The following SIRT5 variants were observed in gnomAD, a reference collection of about 807,000 sequenced individuals.
SIRT5 encodes NAD-dependent protein deacylase sirtuin-5, mitochondrial.
Under a neutral mutation model 40.0 loss-of-function variants are expected in SIRT5, and 26 were observed. That is an observed-to-expected ratio of 0.65 (90% CI 0.48 to 0.90). SIRT5 has a LOEUF of 0.90. Ranked by LOEUF, SIRT5 falls within the 40% of genes least tolerant of loss-of-function variation. The pLI, the probability that SIRT5 is intolerant of heterozygous loss-of-function variation, is 0.00. For missense variants in SIRT5, 401 were observed against 402.4 expected, an observed-to-expected ratio of 1.00 and a Z score of 0.03; for synonymous variants, 146 against 149.1, an observed-to-expected ratio of 0.98 and a Z score of 0.15.
intron 2 of SIRT5, among the ~76,000 whole-genome samples, chr6:13,583,578 G>A (rs1759664132): frequency 6.6e-6 from 1 of 152,214 alleles, no homozygotes; most frequent in Non-Finnish European, 1.5e-5. Flanking sequence ...ATAGGCGTGA[G>A]CCACTGCACC....
At chr6:13,588,583 C>T in intron 4 of SIRT5, 119 bp downstream of exon 4, 1 of 1,229,114 alleles carries the variant, frequency 8.1e-7, no homozygotes, top group Non-Finnish European at 1.1e-6. Context: ...TGAACTGTGA[C>T]CCTATTGTCT....
intron 3 of SIRT5, among the ~76,000 whole-genome samples, chr6:13,585,373 C>T (rs1043507287): frequency 6.6e-6 from 1 of 151,992 alleles, no homozygotes; most frequent in South Asian, 2.1e-4. Flanking sequence ...GGTATTTCTC[C>T]TGATGCTATC....
chr6:13,592,324 AG>A (rs1023898144), intron 5 of SIRT5, among the ~76,000 whole-genome samples: 2 of 152,254 alleles, frequency 1.3e-5, no homozygotes, highest in Non-Finnish European at 2.9e-5. Flanking sequence ...TCCTCTGTGG[AG>A]GGGCACGGTA....
At chr6:13,598,185 A>T (rs1353920577) in intron 7 of SIRT5, among the ~76,000 whole-genome samples, 3 of 152,222 alleles carry the variant, frequency 2.0e-5, no homozygotes, top group African/African-American at 7.2e-5. Flanking sequence ...GACCTGGAGG[A>T]TTCCTGTGAT....
At chr6:13,582,208 T>C (rs187802678) in intron 2 of SIRT5, among the ~76,000 whole-genome samples, 28 of 152,376 alleles carry the variant, frequency 1.8e-4, no homozygotes, top group Non-Finnish European at 4.1e-4. Context: ...TGCTCAGCTC[T>C]AATCTCCTTA....
intron 5 of SIRT5, among the ~76,000 whole-genome samples, chr6:13,594,594 G>A (rs998298096): frequency 2.0e-5 from 3 of 152,188 alleles, no homozygotes; most frequent in Admixed American, 6.5e-5. Flanking sequence ...GACCAAACAC[G>A]ACTGCAGAGG....
chr6:13,598,774 G>A (rs901025594), intron 7 of SIRT5, among the ~76,000 whole-genome samples: 13 of 150,104 alleles, frequency 8.7e-5, no homozygotes, highest in African/African-American at 2.5e-4. Context: ...TGCAGTGAGC[G>A]GAGACCATGG....
intron 1 of SIRT5, among the ~76,000 whole-genome samples, chr6:13,577,129 T>C (rs1758733636): frequency 6.6e-6 from 1 of 152,248 alleles, no homozygotes; most frequent in African/African-American, 2.4e-5. Context: ...GCTTTGGCTA[T>C]TTAGGGTCTT....
intron 9 of SIRT5, chr6:13,605,088 G>A: frequency 1.0e-6 from 1 of 985,962 alleles, no homozygotes; most frequent in Non-Finnish European, 1.2e-6. Flanking sequence ...GCAATTGAGA[G>A]GACTGTTTAA....
At chr6:13,582,609 A>G (rs1297080747) in intron 2 of SIRT5, among the ~76,000 whole-genome samples, 1 of 97,128 alleles carries the variant, frequency 1.0e-5, no homozygotes. Flanking sequence ...ATTGCCTCCC[A>G]CCAAAAAAAA....
At chr6:13,575,742 C>G (rs180728939) in intron 1 of SIRT5, among the ~76,000 whole-genome samples, 232 of 152,220 alleles carry the variant, frequency 1.5e-3, no homozygotes, top group African/African-American at 5.3e-3. Flanking sequence ...TGCAGTAGAT[C>G]ACTAAAACTT....
chr6:13,581,181 A>AT (rs1759302058), intron 2 of SIRT5, among the ~76,000 whole-genome samples: 1 of 152,142 alleles, frequency 6.6e-6, no homozygotes. Flanking sequence ...CTTCATTCAA[A>AT]TTTTGCCATT....
intron 9 of SIRT5, among the ~76,000 whole-genome samples, chr6:13,605,936 T>C (rs1763045398): frequency 6.6e-6 from 1 of 152,224 alleles, no homozygotes. Context: ...TGGAATTTAA[T>C]TAAAGTCCAC....
chr6:13,594,572 G>A (rs772744591), intron 5 of SIRT5, among the ~76,000 whole-genome samples: 1 of 152,140 alleles, frequency 6.6e-6, no homozygotes. Flanking sequence ...TGGTCCACAC[G>A]CCCACCCTTC....
intron 9 of SIRT5, among the ~76,000 whole-genome samples, chr6:13,604,220 A>C (rs1762790780): frequency 1.3e-5 from 2 of 152,268 alleles, no homozygotes; most frequent in African/African-American, 4.8e-5. Context: ...TGTTAGATAA[A>C]AAGTTAAATG....
At chr6:13,599,948 T>A (rs1479431855) in intron 8 of SIRT5, among the ~76,000 whole-genome samples, 1 of 152,254 alleles carries the variant, frequency 6.6e-6, no homozygotes, top group African/African-American at 2.4e-5. Flanking sequence ...CATATCAATA[T>A]GTCTAAATCA....
chr6:13,579,228 A>G (rs1276182467), intron 1 of SIRT5, among the ~76,000 whole-genome samples: 1 of 152,240 alleles, frequency 6.6e-6, no homozygotes, highest in East Asian at 1.9e-4. Flanking sequence ...TTAGTAGCAA[A>G]TACTAAATTG....
At chr6:13,584,284 A>T in intron 3 of SIRT5, 59 bp downstream of exon 3, 1 of 1,205,344 alleles carries the variant, frequency 8.3e-7, no homozygotes, top group Non-Finnish European at 1.2e-6. Flanking sequence ...TGAAAGTCCT[A>T]CACTTCGAGA....
rs1759765856 is a variant in SIRT5, at chr6:13,584,281, C to T, written c.115+56C>T. On this transcript the variant is annotated intron_variant, in intron 3 of 9. Transcript: ENST00000606117. ...AGCCAAATGTGAAGTACCTGAAAGT[C>T]CTACACTTCGAGAGGAATGTCTCTG... 8.0e-6 allele frequency: 10 copies of T among 1,246,796 alleles called. No individual in the cohort carries two copies. The East Asian group carries it at 2.3e-4, about 29-fold the overall frequency. The allele number at this position is 1,246,796 out of a possible 1,614,324, so 77.2% of individuals were successfully genotyped here. A position where few individuals can be genotyped will look rare whatever the true frequency, so the allele number is the denominator to read the frequency against.
Sources: gnomAD v4.1 joint callset for allele counts (sites outside exome capture counted in the v4.1 genomes callset) on GRCh38, gnomAD v4.1.1 for gene constraint, MANE v1.5 for transcripts, NCBI Gene and HGNC (gene_info 2026-07-23, HGNC 2026-07-21) for gene names.